The following ATG7 variants were observed in gnomAD, a reference collection of about 807,000 sequenced individuals.
ATG7 encodes the protein autophagy related 7.
A neutral mutation model predicts 82.4 loss-of-function variants in ATG7; 70 were observed. That is an observed-to-expected ratio of 0.85 (90% CI 0.70 to 1.04). The LOEUF is 1.04. ATG7 is among the 50% of genes least tolerant of loss of function. The pLI, the probability that ATG7 is intolerant of heterozygous loss-of-function variation, is 0.00. For synonymous variants in ATG7, 287 were observed against 313.0 expected, an observed-to-expected ratio of 0.92 and a Z score of 0.88; for missense variants, 792 against 864.3, an observed-to-expected ratio of 0.92 and a Z score of 1.05.
At chr3:11,429,386 C>G (rs914264605) in intron 20 of ATG7, among the ~76,000 whole-genome samples, 1 of 151,906 alleles carries the variant, frequency 6.6e-6, no homozygotes, top group Non-Finnish European at 1.5e-5. Context: ...ATCCCAGTTA[C>G]TCGGGAGGCT....
intron 5 of ATG7, among the ~76,000 whole-genome samples, chr3:11,301,336 G>A (rs190113593): frequency 6.6e-6 from 1 of 152,310 alleles, no homozygotes; most frequent in Admixed American, 6.5e-5. Flanking sequence ...TTGTACCTCA[G>A]CAGTATCAAG....
chr3:11,533,141 T>A (rs1331063055), intron 20 of ATG7, among the ~76,000 whole-genome samples: 1 of 152,108 alleles, frequency 6.6e-6, no homozygotes, highest in Non-Finnish European at 1.5e-5. Context: ...TCACCCCGGG[T>A]CTGAATAATG....
chr3:11,339,308 A>G (rs1187362299), intron 11 of ATG7, among the ~76,000 whole-genome samples: 1 of 144,700 alleles, frequency 6.9e-6, no homozygotes, highest in Non-Finnish European at 1.5e-5. Context: ...AAAAAAAAAA[A>G]AAAAAGAAAA....
chr3:11,427,116 T>C (rs2082425747), intron 20 of ATG7, among the ~76,000 whole-genome samples, 190 bp downstream of exon 20: 1 of 152,218 alleles, frequency 6.6e-6, no homozygotes, highest in African/African-American at 2.4e-5. Context: ...TGTGTGTAGG[T>C]TGCTGTCCAG....
Position 11,426,889 on chromosome 3 carries a change from G to T in ATG7, c.2042G>T (p.Gly681Val). Residue 681 changes from glycine to valine, a missense_variant, in exon 20 of 21, where the codon GGT becomes GTT. Gly to Val is a moderately radical substitution (Grantham distance 109). Transcript: ENST00000693202. ...CATTCCTTCTTAGAAGACTTGACTGGTCTTACATTGCTGCATCAAGAAACC... is the reference window on the plus strand; with the variant it reads ...CATTCCTTCTTAGAAGACTTGACTGTTCTTACATTGCTGCATCAAGAAACC... The part of the protein sequence containing the change: ...SSHSFLEDLT[G>V]LTLLHQETQA... The T allele has an allele frequency of 6.2e-7, 1 of 1,609,692 alleles. No individual in the cohort carries two copies. Among genetic ancestry groups the T allele is most frequent in the Non-Finnish European group, 8.5e-7 (1 of 1,178,356 alleles).
intron 19 of ATG7, among the ~76,000 whole-genome samples, chr3:11,401,772 C>T (rs569139732): frequency 6.6e-6 from 1 of 152,280 alleles, no homozygotes; most frequent in East Asian, 1.9e-4. Flanking sequence ...GTACTCCAGG[C>T]CTACAGACTA....
At chr3:11,532,234 C>G (rs770362974) in intron 20 of ATG7, among the ~76,000 whole-genome samples, 16 of 152,218 alleles carry the variant, frequency 1.1e-4, no homozygotes, top group Non-Finnish European at 2.2e-4. Context: ...CAATGCACCA[C>G]ATGAGATGCT....
At chr3:11,353,974 G>A (rs1340319359) in intron 14 of ATG7, among the ~76,000 whole-genome samples, 1 of 152,182 alleles carries the variant, frequency 6.6e-6, no homozygotes, top group Non-Finnish European at 1.5e-5. Flanking sequence ...CAAGGACAGG[G>A]TGGTTTCACT....
At chr3:11,397,375 C>T (rs573078677) in intron 19 of ATG7, among the ~76,000 whole-genome samples, 11 of 14,002 alleles carry the variant, frequency 7.9e-4, no homozygotes, top group African/African-American at 3.4e-3. Context: ...GGTTTTAATT[C>T]ACCAGGTAGA....
chr3:11,439,593 G>A (rs568248895), intron 20 of ATG7, among the ~76,000 whole-genome samples: 2 of 152,322 alleles, frequency 1.3e-5, no homozygotes, highest in African/African-American at 4.8e-5. Context: ...AGTATAGTTG[G>A]GGAGATAGGA....
intron 20 of ATG7, among the ~76,000 whole-genome samples, chr3:11,507,930 A>C (rs2091828830): frequency 6.6e-6 from 1 of 151,028 alleles, no homozygotes; most frequent in South Asian, 2.1e-4. Context: ...GTAGTTGGGC[A>C]ACCCTGAACC....
chr3:11,308,768 C>T (rs1948169858), intron 6 of ATG7: 2 of 583,346 alleles, frequency 3.4e-6, no homozygotes, highest in Admixed American at 3.0e-5. Context: ...CGCCTGGGTT[C>T]CCTCACTTGG....
At chr3:11,308,947 C>G in intron 6 of ATG7, 37 bp from the exon 7 acceptor site, 1 of 1,580,842 alleles carries the variant, frequency 6.3e-7, no homozygotes, top group South Asian at 1.1e-5. Flanking sequence ...TCAGAGATGC[C>G]TGGTAACCTG....
intron 19 of ATG7, among the ~76,000 whole-genome samples, chr3:11,395,258 A>G (rs1261656008): frequency 6.6e-6 from 1 of 152,208 alleles, no homozygotes; most frequent in Non-Finnish European, 1.5e-5. Flanking sequence ...TAGAAGATAG[A>G]GTGAGAAAGT....
chr3:11,424,852 G>A (rs1470745661), intron 19 of ATG7, among the ~76,000 whole-genome samples: 2 of 151,906 alleles, frequency 1.3e-5, no homozygotes, highest in Non-Finnish European at 2.9e-5. Context: ...CACTCTTTTT[G>A]AACACAAATA....
intron 20 of ATG7, among the ~76,000 whole-genome samples, chr3:11,451,299 C>T (rs536890034): frequency 4.6e-5 from 7 of 151,728 alleles, no homozygotes; most frequent in Admixed American, 1.3e-4. Context: ...GAAACCTCGG[C>T]CTCCTGGGTA....
At chr3:11,547,100 AAG>A (rs1378784941) in intron 20 of ATG7, among the ~76,000 whole-genome samples, 27 of 152,136 alleles carry the variant, frequency 1.8e-4, no homozygotes, top group Admixed American at 1.8e-3. Flanking sequence ...CGGTGAATGG[AAG>A]AGTGTCTGGG....
At chr3:11,316,003 G>A (rs919173024) in intron 9 of ATG7, among the ~76,000 whole-genome samples, 2 of 152,292 alleles carry the variant, frequency 1.3e-5, no homozygotes, top group South Asian at 2.1e-4. Flanking sequence ...ATAGGTGTGA[G>A]CCACTGTGCC....
intron 9 of ATG7, among the ~76,000 whole-genome samples, chr3:11,318,915 T>G (rs963570824): frequency 6.6e-6 from 1 of 152,212 alleles, no homozygotes; most frequent in East Asian, 1.9e-4. Flanking sequence ...TTCTCTCTTC[T>G]GTGTTCTGGT....
Sources: gnomAD v4.1 joint callset for allele counts (sites outside exome capture counted in the v4.1 genomes callset) on GRCh38, gnomAD v4.1.1 for gene constraint, MANE v1.5 for transcripts, NCBI Gene and HGNC (gene_info 2026-07-23, HGNC 2026-07-21) for gene names.